DGKI: variants seen among roughly 807,000 people sequenced by gnomAD.
The protein encoded by DGKI is DAG kinase iota.
DGKI carries 55 observed loss-of-function variants against 147.5 expected under a neutral mutation model. The observed-to-expected ratio is 0.37, with a 90% CI of 0.30 to 0.47. The LOEUF is 0.47. Ranked by LOEUF, DGKI falls within the 20% of genes least tolerant of loss-of-function variation. The probability of loss-of-function intolerance (pLI) is 1.00; values close to 1 mark genes in which losing one functional copy is unlikely to be tolerated. For missense variants in DGKI, 1,007 were observed against 1,323.8 expected (o/e 0.76, Z 3.71); for synonymous variants, 469 against 477.1 (o/e 0.98, Z 0.22).
chr7:137,600,416 T>C (rs929920800), intron 10 of DGKI, among the ~76,000 whole-genome samples: 2 of 152,226 alleles, frequency 1.3e-5, no homozygotes, highest in Non-Finnish European at 2.9e-5. Flanking sequence ...GGCAAGTTTC[T>C]TCATTTCATT....
intron 1 of DGKI, among the ~76,000 whole-genome samples, chr7:137,802,783 G>A (rs1164206014): frequency 2.6e-5 from 4 of 152,142 alleles, no homozygotes; most frequent in Non-Finnish European, 5.9e-5. Context: ...TCATCTCTGA[G>A]TCAGAGAAAA....
At chr7:137,435,434 C>A (rs2128913294) in intron 28 of DGKI, among the ~76,000 whole-genome samples, 1 of 152,140 alleles carries the variant, frequency 6.6e-6, no homozygotes, top group Admixed American at 6.5e-5. Flanking sequence ...AATGAAGGTG[C>A]CTGCCAGAGA....
intron 1 of DGKI, among the ~76,000 whole-genome samples, chr7:137,726,729 CGTT>C (rs1268303530): frequency 2.0e-5 from 3 of 152,156 alleles, no homozygotes; most frequent in East Asian, 3.9e-4. Context: ...ATTCCTAAAA[CGTT>C]GTCCCTTCAA....
chr7:137,781,548 G>C (rs1451489880), intron 1 of DGKI, among the ~76,000 whole-genome samples: 1 of 152,192 alleles, frequency 6.6e-6, no homozygotes, highest in Non-Finnish European at 1.5e-5. Context: ...AAGAAAAGGG[G>C]TGAAGGAATA....
intron 19 of DGKI, among the ~76,000 whole-genome samples, chr7:137,559,776 C>A (rs1249526071): frequency 1.3e-5 from 2 of 151,618 alleles, no homozygotes; most frequent in Admixed American, 6.6e-5. Context: ...GATTTAGACT[C>A]GTATTCATGA....
chr7:137,524,063 T>C lies in DGKI; in HGVS notation c.2148-2097A>G, dbSNP rs964528794. ...AGTCTGGATTGGCAGAGTCTGATGA[T>C]CTCTGTGTGCTGCTCAGATTTCTTT... is the stretch of plus-strand genomic sequence containing the variant. On this transcript the variant is annotated intron_variant, in intron 20 of 32. Transcript: ENST00000614521. Among the ~76,000 whole-genome samples the C allele has an allele frequency of 1.3e-5, 2 of 148,378 alleles. 1 individual carries two copies. Among genetic ancestry groups the C allele is most frequent in the African/African-American group, 5.3e-5 (2 of 37,862 alleles).
At position 137,383,314 on chromosome 7, in the gene DGKI, T is replaced by A. The variant is rs1387411606; in HGVS notation, c.*7906A>T. The A allele has an allele frequency of 5.9e-5, 9 of 151,698 alleles. 1 individual carries two copies. The highest frequency in any genetic ancestry group is 2.9e-5 in the Non-Finnish European group (2 of 67,868). The allele number at this position is 151,698 out of a possible 1,614,324, so 9.4% of individuals were successfully genotyped here. ...CCCAAATCTCCTAAAAAAGATATGT[T>A]TCTACTAAAGCATAGGTGTGTTTGT... On this transcript the variant is annotated 3_prime_UTR_variant, in exon 33 of 33. Coordinates refer to ENST00000614521, the MANE Select transcript of DGKI (RefSeq NM_001321708.2).
intron 21 of DGKI, among the ~76,000 whole-genome samples, chr7:137,488,987 G>A (rs2128937064): frequency 6.6e-6 from 1 of 152,262 alleles, no homozygotes; most frequent in East Asian, 1.9e-4. Context: ...AGCTAGAGGA[G>A]TAAAGGTGGT....
chr7:137,443,219 G>A (rs2128916926), intron 28 of DGKI, among the ~76,000 whole-genome samples: 1 of 152,270 alleles, frequency 6.6e-6, no homozygotes, highest in African/African-American at 2.4e-5. Context: ...ATATTGAAAA[G>A]CTGAACACAA....
At chr7:137,638,011 C>T (rs1209676967) in intron 6 of DGKI, among the ~76,000 whole-genome samples, 1 of 152,054 alleles carries the variant, frequency 6.6e-6, no homozygotes, top group Non-Finnish European at 1.5e-5. Flanking sequence ...CAAAGAATCA[C>T]AAAAGTGTTC....
At chr7:137,772,744 C>T (rs921668772) in intron 1 of DGKI, among the ~76,000 whole-genome samples, 1 of 152,218 alleles carries the variant, frequency 6.6e-6, no homozygotes, top group African/African-American at 2.4e-5. Flanking sequence ...AGCAGTTATT[C>T]CAAGTTGTTG....
intron 6 of DGKI, among the ~76,000 whole-genome samples, chr7:137,638,642 G>GTATGTATA (rs1563126073): frequency 6.0e-4 from 2 of 3,332 alleles, no homozygotes; most frequent in East Asian, 0.029. Flanking sequence ...GTGTATATAT[G>GTATGTATA]TGTATGTATA....
At chr7:137,472,380 T>TATATATACATAC (rs1815000232) in intron 23 of DGKI, among the ~76,000 whole-genome samples, 1 of 117,100 alleles carries the variant, frequency 8.5e-6, no homozygotes, top group Non-Finnish European at 1.6e-5. Flanking sequence ...TTATTATATG[T>TATATATACATAC]ATATATACAT....
intron 5 of DGKI, among the ~76,000 whole-genome samples, chr7:137,653,570 C>T (rs1204938770): frequency 6.6e-6 from 1 of 152,146 alleles, no homozygotes; most frequent in Admixed American, 6.5e-5. Flanking sequence ...AAGGCTCTTG[C>T]CACTCACCTC....
intron 21 of DGKI, among the ~76,000 whole-genome samples, chr7:137,508,725 AAGAC>A (rs1236742596): frequency 6.6e-6 from 1 of 152,094 alleles, no homozygotes; most frequent in Non-Finnish European, 1.5e-5. Context: ...AACATCATGA[AAGAC>A]AGAGCCCCTC....
At chr7:137,487,850 A>G (rs113046525) in intron 21 of DGKI, among the ~76,000 whole-genome samples, 161 bp from the exon 22 acceptor site, 106 of 152,108 alleles carry the variant, frequency 7.0e-4, no homozygotes, top group African/African-American at 1.8e-3. Flanking sequence ...CACCTTTTTT[A>G]TTATTTCAGT....
intron 1 of DGKI, among the ~76,000 whole-genome samples, chr7:137,726,449 C>T (rs943729974): frequency 2.6e-5 from 4 of 152,088 alleles, no homozygotes; most frequent in East Asian, 1.9e-4. Flanking sequence ...AAGATAATTC[C>T]GTAGTTACCA....
At chr7:137,842,207 C>T (rs1448780786) in intron 1 of DGKI, among the ~76,000 whole-genome samples, 1 of 152,074 alleles carries the variant, frequency 6.6e-6, no homozygotes. Context: ...GAGAAAAGTT[C>T]CCCCATACAC....
At chr7:137,622,206 T>A (rs562888228) in intron 7 of DGKI, among the ~76,000 whole-genome samples, 170 of 152,306 alleles carry the variant, frequency 1.1e-3, no homozygotes, top group African/African-American at 4.0e-3. Flanking sequence ...GCTAGAGATA[T>A]TATTAAGTTG....
Sources: gnomAD v4.1 joint callset for allele counts (sites outside exome capture counted in the v4.1 genomes callset) on GRCh38, gnomAD v4.1.1 for gene constraint, MANE v1.5 for transcripts, NCBI Gene and HGNC (gene_info 2026-07-23, HGNC 2026-07-21) for gene names.